VPS8: variants seen among roughly 807,000 people sequenced by gnomAD.
VPS8 encodes the protein VPS8 subunit of CORVET complex.
In VPS8, 129 loss-of-function variants were observed where a neutral mutation model predicts 216.4. The observed-to-expected ratio is 0.60, with a 90% CI of 0.52 to 0.69. The LOEUF is 0.69. VPS8 is among the 30% of genes least tolerant of loss of function. The pLI, the probability that VPS8 is intolerant of heterozygous loss-of-function variation, is 0.00. For missense variants in VPS8, 1,531 were observed against 1,683.5 expected, an observed-to-expected ratio of 0.91 and a Z score of 1.59; for synonymous variants, 571 against 565.4, an observed-to-expected ratio of 1.01 and a Z score of -0.14.
chr3:184,971,560 C>A, intron 39 of VPS8, 89 bp from the exon 40 acceptor site: 2 of 884,522 alleles, frequency 2.3e-6, no homozygotes, highest in Non-Finnish European at 3.4e-6. Flanking sequence ...GAAGGTGATG[C>A]AAAGAAAAAG....
chr3:185,009,226 G>A (rs1350511905), intron 45 of VPS8, among the ~76,000 whole-genome samples: 2 of 152,144 alleles, frequency 1.3e-5, no homozygotes, highest in Non-Finnish European at 2.9e-5. Context: ...TAGAACTAAG[G>A]TTTTGATGGA....
intron 40 of VPS8, chr3:184,982,313 C>CA (rs1222022950): frequency 2.2e-6 from 1 of 456,396 alleles, no homozygotes; most frequent in African/African-American, 2.0e-5. Context: ...ACTTACTTAA[C>CA]AGTGGCCTCC....
intron 42 of VPS8, among the ~76,000 whole-genome samples, chr3:184,989,793 C>T (rs1016743017): frequency 6.6e-5 from 10 of 151,958 alleles, no homozygotes; most frequent in South Asian, 2.1e-4. Context: ...TTCCCTCAGC[C>T]GGGATGTGGT....
chr3:184,968,588 G>A lies in VPS8; in HGVS notation c.3316+1875G>A, dbSNP rs1193663260. On this transcript the variant is annotated intron_variant, in intron 39 of 47. Transcript: ENST00000625842. ...TAGCTATCCATATGTGTGTGAGGTA[G>A]TATCTAATTATGGATTTGATTTGCA... Among the ~76,000 whole-genome samples the A allele has an allele frequency of 2.6e-5, 4 of 152,092 alleles. No homozygotes were observed. The East Asian group carries it at 5.8e-4, about 22-fold the overall frequency.
chr3:184,993,281 A>G (rs1577087131), intron 42 of VPS8, among the ~76,000 whole-genome samples: 3 of 152,162 alleles, frequency 2.0e-5, no homozygotes, highest in South Asian at 4.1e-4. Flanking sequence ...ATATACATCA[A>G]AATATCAACA....
At position 184,863,075 on chromosome 3, in the gene VPS8, T is replaced by C. The variant is rs1160903009; in HGVS notation, c.1395+8T>C. The C allele has an allele frequency of 6.2e-7, 1 of 1,612,348 alleles. No homozygotes were observed. The highest frequency in any genetic ancestry group is 1.7e-5 in the Admixed American group (1 of 59,766). ...AATGTTAGCCAGGCACTGGTAAGGATAATCACTTATCTTGCTATCCTAGAA... is the reference window on the plus strand; with the variant it reads ...AATGTTAGCCAGGCACTGGTAAGGACAATCACTTATCTTGCTATCCTAGAA... On this transcript the variant is annotated splice_region_variant and intron_variant, in intron 16 of 47. Transcript: ENST00000625842.
chr3:184,834,156 G>C (rs1720572702), intron 4 of VPS8, among the ~76,000 whole-genome samples: 1 of 152,176 alleles, frequency 6.6e-6, no homozygotes, highest in African/African-American at 2.4e-5. Context: ...AGGGTAAGAA[G>C]GCAGTAGGGT....
In VPS8 at chr3:184,877,353, G is replaced by A. The variant is rs535126208; in HGVS notation, c.1734+6548G>A. ...TGTCATTGCCGTATGCCCAGCATCT[G>A]GTTCAGTGTCCTTGATAAATAGTTG... On this transcript the variant is annotated intron_variant, in intron 21 of 47. Transcript: ENST00000625842. Among the ~76,000 whole-genome samples the A allele has an allele frequency of 3.9e-5, 6 of 152,248 alleles. No homozygotes were observed. The South Asian group carries it at 1.2e-3, about 32-fold the overall frequency.
chr3:184,874,399 C>G (rs576808528), intron 21 of VPS8, among the ~76,000 whole-genome samples: 181 of 152,218 alleles, frequency 1.2e-3, no homozygotes, highest in Non-Finnish European at 2.0e-3. Context: ...CTCTTTCATA[C>G]CCAAGTTTTT....
chr3:184,851,005 A>C (rs1374282094), intron 10 of VPS8, among the ~76,000 whole-genome samples: 1 of 152,208 alleles, frequency 6.6e-6, no homozygotes, highest in Admixed American at 6.5e-5. Context: ...AATATGTTAT[A>C]GTTGTTTGTA....
At chr3:184,913,014 A>G (rs1184989876) in intron 25 of VPS8, among the ~76,000 whole-genome samples, 2 of 152,206 alleles carry the variant, frequency 1.3e-5, no homozygotes, top group African/African-American at 4.8e-5. Flanking sequence ...ACAAGATGGC[A>G]GAATCTTACA....
At chr3:185,031,021 C>G (rs1011256781) in intron 46 of VPS8, among the ~76,000 whole-genome samples, 5 of 142,882 alleles carry the variant, frequency 3.5e-5, no homozygotes, top group African/African-American at 1.3e-4. Context: ...GCAATATAGA[C>G]AGCTATACTT....
At chr3:184,937,495 C>A (rs1741850323) in intron 35 of VPS8, among the ~76,000 whole-genome samples, 1 of 152,134 alleles carries the variant, frequency 6.6e-6, no homozygotes, top group Non-Finnish European at 1.5e-5. Context: ...AGAATACAAC[C>A]TTTTCTTAAA....
chr3:185,026,825 T>TA (rs2110088576), intron 46 of VPS8, among the ~76,000 whole-genome samples: 1 of 151,232 alleles, frequency 6.6e-6, no homozygotes, highest in South Asian at 2.1e-4. Flanking sequence ...TCTCTTGCCT[T>TA]AGTCTCCTGA....
At chr3:185,012,736 G>A (rs1402668315) in intron 45 of VPS8, among the ~76,000 whole-genome samples, 1 of 152,134 alleles carries the variant, frequency 6.6e-6, no homozygotes, top group East Asian at 1.9e-4. Context: ...TATGGTGCAC[G>A]TATTGTATGT....
intron 11 of VPS8, among the ~76,000 whole-genome samples, chr3:184,853,630 T>C (rs1724710933): frequency 6.6e-6 from 1 of 152,168 alleles, no homozygotes. Context: ...GGAAAGAGTT[T>C]GGATTTTATT....
chr3:185,008,713 G>A (rs536073348), intron 45 of VPS8, among the ~76,000 whole-genome samples: 1 of 152,122 alleles, frequency 6.6e-6, no homozygotes, highest in Non-Finnish European at 1.5e-5. Flanking sequence ...AGGATCTGAG[G>A]AGACAAATGA....
rs370513246 is a variant in VPS8 at position 185,048,429 on chromosome 3, G to A, written c.4057-50G>A. On this transcript the variant is annotated intron_variant, in intron 46 of 47. Transcript: ENST00000625842. ...CAGCATCGTGTAGAGCAAGTTGAGA[G>A]GCTGCCTAGCCACGTGATGTTGTTA... The A allele has an allele frequency of 2.5e-6, 4 of 1,585,670 alleles. No individual in the cohort carries two copies. The African/African-American group carries it at 5.4e-5, about 21-fold the overall frequency.
chr3:185,001,163 A>T (rs1753369082), intron 45 of VPS8, among the ~76,000 whole-genome samples: 1 of 152,198 alleles, frequency 6.6e-6, no homozygotes, highest in Non-Finnish European at 1.5e-5. Flanking sequence ...GATTTTTAAC[A>T]GAGTACTCTC....
Sources: gnomAD v4.1 joint callset for allele counts (sites outside exome capture counted in the v4.1 genomes callset) on GRCh38, gnomAD v4.1.1 for gene constraint, MANE v1.5 for transcripts, NCBI Gene and HGNC (gene_info 2026-07-23, HGNC 2026-07-21) for gene names.